INPP4B: variants seen among roughly 807,000 people sequenced by gnomAD.
The protein encoded by INPP4B is inositol polyphosphate 4-phosphatase type II.
INPP4B carries 55 observed loss-of-function variants against 122.5 expected under a neutral mutation model. The ratio of observed to expected loss-of-function variants is 0.45; its 90% CI spans 0.36 to 0.56. The LOEUF (loss-of-function observed/expected upper bound fraction) is 0.56. Ranked by LOEUF, INPP4B falls within the 20% of genes least tolerant of loss-of-function variation. INPP4B has a pLI of 0.00. For missense variants in INPP4B, 1,000 were observed against 1,097.7 expected (o/e 0.91, Z 1.26); for synonymous variants, 403 against 388.7 (o/e 1.04, Z -0.43).
intron 7 of INPP4B, among the ~76,000 whole-genome samples, chr4:142,329,975 G>A (rs1042296530): frequency 2.2e-4 from 34 of 152,084 alleles, no homozygotes; most frequent in African/African-American, 7.7e-4. Flanking sequence ...CTTAAAACAT[G>A]AGGAAACTCA....
intron 2 of INPP4B, among the ~76,000 whole-genome samples, chr4:142,505,876 A>G (rs1823960669): frequency 6.6e-6 from 1 of 152,150 alleles, no homozygotes; most frequent in African/African-American, 2.4e-5. Context: ...ATACCCAGAT[A>G]TTGTATTTAT....
intron 1 of INPP4B, among the ~76,000 whole-genome samples, chr4:142,818,367 A>C (rs2151144445): frequency 6.6e-6 from 1 of 152,248 alleles, no homozygotes; most frequent in South Asian, 2.1e-4. Flanking sequence ...TATCAAAGTA[A>C]AATTTCCATG....
At chr4:142,448,082 G>T (rs549065438) in intron 3 of INPP4B, among the ~76,000 whole-genome samples, 1 of 152,172 alleles carries the variant, frequency 6.6e-6, no homozygotes, top group East Asian at 1.9e-4. Context: ...AAAGATAAAT[G>T]ACAGAAAGTG....
chr4:142,114,494 A>T (rs10030014), intron 21 of INPP4B, among the ~76,000 whole-genome samples: 20,102 of 151,934 alleles, frequency 0.13, 1,478 homozygotes, highest in East Asian at 0.24. Context: ...TGTGATTTTA[A>T]ATTTATTCTC....
chr4:142,744,627 T>A (rs1768409144), intron 1 of INPP4B, among the ~76,000 whole-genome samples: 2 of 151,952 alleles, frequency 1.3e-5, no homozygotes, highest in African/African-American at 4.8e-5. Flanking sequence ...TGAGCCAATA[T>A]CTTTAACATG....
At chr4:142,829,404 C>T (rs1781835402) in intron 1 of INPP4B, among the ~76,000 whole-genome samples, 1 of 152,114 alleles carries the variant, frequency 6.6e-6, no homozygotes, top group African/African-American at 2.4e-5. Flanking sequence ...CCTGTGAGGT[C>T]CCCAGGACTG....
At chr4:142,461,110 T>A (rs1263159742) in intron 3 of INPP4B, among the ~76,000 whole-genome samples, 13 of 152,250 alleles carry the variant, frequency 8.5e-5, no homozygotes, top group African/African-American at 2.2e-4. Flanking sequence ...AGGTCGAAGC[T>A]GCAGTGACCC....
At chr4:142,436,666 AAG>A (rs1810591167) in intron 3 of INPP4B, among the ~76,000 whole-genome samples, 2 of 152,190 alleles carry the variant, frequency 1.3e-5, no homozygotes, top group South Asian at 4.1e-4. Context: ...AGCCCTACAG[AAG>A]AGAGACCTGA....
chr4:142,321,499 T>C (rs982825441), intron 7 of INPP4B, among the ~76,000 whole-genome samples: 2 of 152,202 alleles, frequency 1.3e-5, no homozygotes, highest in African/African-American at 4.8e-5. Context: ...ATGAATTATT[T>C]GCCTAAGTCA....
chr4:142,247,571 A>T (rs1429971994), intron 11 of INPP4B, among the ~76,000 whole-genome samples: 1 of 152,008 alleles, frequency 6.6e-6, no homozygotes, highest in Admixed American at 6.5e-5. Context: ...CTTCTAGTTT[A>T]TTTGCATAGT....
chr4:142,845,784 A>G (rs1174052088), intron 1 of INPP4B, among the ~76,000 whole-genome samples: 1 of 151,962 alleles, frequency 6.6e-6, no homozygotes, highest in East Asian at 2.0e-4. Context: ...ATTGGAAGTG[A>G]GAGCGAGTGC....
intron 7 of INPP4B, among the ~76,000 whole-genome samples, chr4:142,332,240 T>A (rs1344900371): frequency 2.0e-5 from 3 of 152,062 alleles, no homozygotes; most frequent in African/African-American, 7.2e-5. Context: ...TTTTATTTTT[T>A]AAAAAAGAAA....
intron 2 of INPP4B, among the ~76,000 whole-genome samples, chr4:142,710,917 T>C (rs967398245): frequency 1.3e-5 from 2 of 152,252 alleles, no homozygotes; most frequent in Admixed American, 1.3e-4. Context: ...TATTTCTCTC[T>C]AGTTTTTGTT....
chr4:142,550,807 A>G (rs1194492664), intron 2 of INPP4B, among the ~76,000 whole-genome samples: 5 of 152,098 alleles, frequency 3.3e-5, no homozygotes, highest in Non-Finnish European at 5.9e-5. Context: ...GGAGAGAGAT[A>G]TGCAAATAAA....
chr4:142,168,372 G>A (rs1415955149), intron 16 of INPP4B, among the ~76,000 whole-genome samples: 7 of 151,408 alleles, frequency 4.6e-5, no homozygotes. Context: ...TGTGCTTGTT[G>A]GATGGCAGGC....
chr4:142,710,017 C>T (rs1052473909), intron 2 of INPP4B, among the ~76,000 whole-genome samples: 2 of 152,130 alleles, frequency 1.3e-5, no homozygotes, highest in Admixed American at 6.5e-5. Flanking sequence ...CTGTATTAGC[C>T]TCTAGTATAT....
At chr4:142,051,023 A>T (rs1754298433) in intron 25 of INPP4B, among the ~76,000 whole-genome samples, 1 of 152,060 alleles carries the variant, frequency 6.6e-6, no homozygotes, top group Non-Finnish European at 1.5e-5. Context: ...GGAATTTTTT[A>T]AAATTTCTCT....
chr4:142,115,944 T>A (rs1451482848), intron 21 of INPP4B, among the ~76,000 whole-genome samples: 1 of 151,582 alleles, frequency 6.6e-6, no homozygotes, highest in Non-Finnish European at 1.5e-5. Flanking sequence ...ACACATAGGC[T>A]CAAAATAAAG....
intron 2 of INPP4B, among the ~76,000 whole-genome samples, chr4:142,521,512 T>A (rs1826061909): frequency 6.6e-6 from 1 of 151,990 alleles, no homozygotes; most frequent in African/African-American, 2.4e-5. Context: ...CAACAAGTAC[T>A]GGCCACATTA....
Sources: allele counts gnomAD v4.1 joint callset (sites outside exome capture counted in the v4.1 genomes callset), GRCh38; gene constraint gnomAD v4.1.1; transcripts MANE v1.5; gene names NCBI Gene and HGNC (gene_info 2026-07-23, HGNC 2026-07-21).